AKAP9: variants seen among roughly 807,000 people sequenced by gnomAD.
AKAP9 encodes A-kinase anchoring protein 9, also known as A-kinase anchor protein 9.
In AKAP9, 311 loss-of-function variants were observed where a neutral mutation model predicts 488.5. The observed-to-expected ratio is 0.64, with a 90% confidence interval of 0.58 to 0.70. The LOEUF is 0.70. AKAP9 is among the 30% of genes least tolerant of loss of function. The pLI, the probability that AKAP9 is intolerant of heterozygous loss-of-function variation, is 0.00. For missense variants in AKAP9, 4,215 were observed against 4,374.5 expected (o/e 0.96, Z 1.03); for synonymous variants, 1,462 against 1,483.5 (o/e 0.99, Z 0.33).
intron 22 of AKAP9, among the ~76,000 whole-genome samples, chr7:92,054,592 G>A (rs1808478920): frequency 6.6e-6 from 1 of 151,942 alleles, no homozygotes; most frequent in Admixed American, 6.6e-5. Flanking sequence ...TGAATATCAG[G>A]GCACTGGACA....
chr7:91,973,112 CGTCT>C (rs1294205232), intron 1 of AKAP9, among the ~76,000 whole-genome samples: 146 of 152,278 alleles, frequency 9.6e-4, no homozygotes, highest in Non-Finnish European at 8.8e-4. Flanking sequence ...CACTGGCTCA[CGTCT>C]GTAATCCCAG....
intron 45 of AKAP9, among the ~76,000 whole-genome samples, chr7:92,102,163 T>A (rs74691622): frequency 5.3e-4 from 57 of 107,530 alleles, no homozygotes; most frequent in Admixed American, 1.4e-3. Context: ...CTCATAAATT[T>A]AAAAAAAAAA....
At chr7:91,962,600 A>G (rs1312541541) in intron 1 of AKAP9, among the ~76,000 whole-genome samples, 1 of 152,170 alleles carries the variant, frequency 6.6e-6, no homozygotes, top group Non-Finnish European at 1.5e-5. Context: ...CAGAGAACAA[A>G]AGAAAGCCCT....
intron 3 of AKAP9, among the ~76,000 whole-genome samples, chr7:91,980,652 C>T (rs1424447737): frequency 1.3e-5 from 2 of 151,456 alleles, no homozygotes; most frequent in African/African-American, 4.8e-5. Flanking sequence ...GTAAAAATAT[C>T]AAAAATTTTT....
intron 28 of AKAP9, 144 bp downstream of exon 28, chr7:92,071,153 T>C: frequency 1.3e-6 from 1 of 750,220 alleles, no homozygotes; most frequent in Non-Finnish European, 2.4e-6. Context: ...AAATTGACCT[T>C]GAAGGCAGTA....
In AKAP9 at chr7:92,042,124, C is replaced by T; in HGVS notation, c.4996C>T (p.Leu1666=). 6.2e-7 allele frequency: 1 copy of T among 1,614,004 alleles called. No homozygotes were observed. The highest frequency in any genetic ancestry group is 1.1e-5 in the South Asian group (1 of 91,080). Residue 1666 remains leucine, a synonymous_variant, in exon 19 of 50, where the codon CTG becomes TTG. Transcript: ENST00000356239. The stretch of plus-strand genomic sequence containing the variant: ...AGAGGAGCTGGAAGCACTAAAGCAG[C>T]TGTCTTTAGCTGGAAGAGAGAAGCT... The part of the protein sequence containing the change: ...LLEELEALKQ[L]SLAGREKLCC...
Position 92,110,173 on chromosome 7 carries a change from CATT to C in AKAP9, c.*16_*18del, listed in dbSNP as rs1197036183. ...ATGAGAAGATAATCCTTTGAAACAT[CATT>C]AATTGAAGTGATTTTAAATAGATTT... On this transcript the variant is annotated 3_prime_UTR_variant, in exon 50 of 50. Coordinates refer to ENST00000356239, the MANE Select transcript of AKAP9 (RefSeq NM_005751.5). The C allele has an allele frequency of 1.3e-6, 2 of 1,585,854 alleles. No individual in the cohort carries two copies. The highest frequency in any genetic ancestry group is 2.7e-5 in the African/African-American group (2 of 74,690).
chr7:91,964,842 A>G (rs2130528435), intron 1 of AKAP9, among the ~76,000 whole-genome samples: 1 of 152,256 alleles, frequency 6.6e-6, no homozygotes, highest in Middle Eastern at 3.4e-3. Flanking sequence ...AATGACAGTG[A>G]TACTGACTTT....
intron 8 of AKAP9, among the ~76,000 whole-genome samples, chr7:92,009,043 A>T (rs1800330759): frequency 6.6e-6 from 1 of 151,678 alleles, no homozygotes. Context: ...ATGAGGCTTG[A>T]TGCAGTTGCT....
In AKAP9 at chr7:92,110,624, G is replaced by A; in HGVS notation, c.*465G>A. On this transcript the variant is annotated 3_prime_UTR_variant, in exon 50 of 50. Coordinates refer to ENST00000356239, the MANE Select transcript of AKAP9 (RefSeq NM_005751.5). ...ATGGTAGAAGTTTTGAATTTTATGG[G>A]GTATTTTGTCAAGTACTGAAATAAA... is the stretch of plus-strand genomic sequence containing the variant. 1 of 207,404 alleles carries A rather than the reference G, an allele frequency of 4.8e-6. No individual in the cohort carries two copies. Among genetic ancestry groups the A allele is most frequent in the East Asian group, 7.5e-5 (1 of 13,264 alleles). The allele number at this position is 207,404 out of a possible 1,614,324, so 12.8% of individuals were successfully genotyped here.
intron 26 of AKAP9, among the ~76,000 whole-genome samples, chr7:92,068,149 A>G (rs1811057668): frequency 6.6e-6 from 1 of 151,908 alleles, no homozygotes; most frequent in Non-Finnish European, 1.5e-5. Context: ...TCACGAGGTC[A>G]GGAGATCGTG....
chr7:92,070,841 A>C, intron 27 of AKAP9, 64 bp from the exon 28 acceptor site: 1 of 1,290,362 alleles, frequency 7.7e-7, no homozygotes, highest in Non-Finnish European at 1.1e-6. Flanking sequence ...CCAAAAAACA[A>C]AAAAAAACTG....
intron 3 of AKAP9, among the ~76,000 whole-genome samples, chr7:91,985,968 T>C (rs1797034407): frequency 2.0e-5 from 3 of 152,152 alleles, no homozygotes; most frequent in Admixed American, 6.6e-5. Context: ...TTTCTATTTA[T>C]TGGAATAGTT....
At chr7:92,108,715 A>T (rs769477023) in intron 49 of AKAP9, 82 bp downstream of exon 49, 1 of 1,535,126 alleles carries the variant, frequency 6.5e-7, no homozygotes, top group South Asian at 1.1e-5. Context: ...TTTCACACTC[A>T]TTAGGATAAT....
chr7:92,088,902 A>G (rs375289839), intron 37 of AKAP9, among the ~76,000 whole-genome samples: 33 of 152,316 alleles, frequency 2.2e-4, no homozygotes, highest in African/African-American at 7.7e-4. Flanking sequence ...TATCATTGGG[A>G]AAAGCTGGCT....
intron 1 of AKAP9, among the ~76,000 whole-genome samples, chr7:91,961,659 A>G (rs906018896): frequency 1.3e-5 from 2 of 151,806 alleles, no homozygotes; most frequent in Non-Finnish European, 2.9e-5. Context: ...CCTAGCTAAC[A>G]TGGTGAAACC....
intron 36 of AKAP9, 109 bp downstream of exon 36, chr7:92,085,795 A>G (rs766113547): frequency 5.5e-5 from 47 of 852,986 alleles, no homozygotes; most frequent in Middle Eastern, 7.4e-4. Flanking sequence ...GAATAACTAT[A>G]TATATATATT....
At chr7:92,033,676 A>G (rs1804676673) in intron 16 of AKAP9, among the ~76,000 whole-genome samples, 1 of 151,850 alleles carries the variant, frequency 6.6e-6, no homozygotes, top group South Asian at 2.1e-4. Flanking sequence ...GATCTCAAGC[A>G]ATCTACTCAC....
rs752180431 is a variant in AKAP9, at chr7:92,022,260, G to A, written c.3860G>A (p.Gly1287Asp). ...TAGATCTGGGGACAGCAGACAGATG[G>A]TATGAAACTTGAATTTGGAGAAGAA... ...LSKIWGQQTD[G>D]MKLEFGEENL... Residue 1287 changes from glycine (G) to aspartate (D), a missense_variant, in exon 13 of 50, where the codon GGT (glycine) becomes GAT (aspartate). Around this residue, in one of 5 missense-constraint regions of AKAP9, gnomAD observed 2,361 missense variants for 2,430.0 expected, o/e 0.97. Coordinates refer to ENST00000356239, the MANE Select transcript of AKAP9 (RefSeq NM_005751.5). 6.2e-7 allele frequency: 1 copy of A among 1,613,076 alleles called. No homozygotes were observed. Among genetic ancestry groups the A allele is most frequent in the Admixed American group, 1.7e-5 (1 of 60,014 alleles).
Sources: allele counts gnomAD v4.1 joint callset (sites outside exome capture counted in the v4.1 genomes callset), GRCh38; gene constraint gnomAD v4.1.1; regional missense constraint gnomAD v4.1.1; transcripts MANE v1.5; gene names NCBI Gene and HGNC (gene_info 2026-07-23, HGNC 2026-07-21).